EYS: variants seen among roughly 807,000 people sequenced by gnomAD.
EYS encodes protein eyes shut homolog.
Under a neutral mutation model 282.1 loss-of-function variants are expected in EYS, and 250 were observed. The observed-to-expected ratio is 0.89, with a 90% confidence interval of 0.80 to 0.98. The LOEUF is 0.98. Among genes scored for constraint, EYS ranks in the 50% least tolerant of loss-of-function variants. The pLI, the probability that EYS is intolerant of heterozygous loss-of-function variation, is 0.00. For missense variants in EYS, 4,016 were observed against 3,709.0 expected (o/e 1.08, Z -2.15); for synonymous variants, 1,355 against 1,282.9 (o/e 1.06, Z -1.20).
chr6:63,948,314 G>A (rs1263668364), intron 35 of EYS, among the ~76,000 whole-genome samples: 3 of 152,098 alleles, frequency 2.0e-5, no homozygotes, highest in Non-Finnish European at 2.9e-5. Context: ...AATCTCAATT[G>A]CTTTCTCATA....
chr6:63,720,796 G>C lies in EYS; in HGVS notation c.9235C>G (p.Leu3079Val), dbSNP rs760931603. The C allele has an allele frequency of 1.4e-5, 21 of 1,550,800 alleles. No homozygotes were observed. Among genetic ancestry groups the C allele is most frequent in the South Asian group, 2.4e-5 (2 of 84,032 alleles). ...AGATAACAAATGCCATCATAGTTTA[G>C]AGCCACAAAGTTTTTATGTGGATCA... ...DIDPHKNFVA[L>V]NYDGICYLGG... The change falls in exon 43 of 43, where the codon CTA (leucine) becomes GTA (valine). Residue 3079 changes from leucine to valine, a missense_variant. Transcript: ENST00000503581.
chr6:64,185,908 T>TA (rs1764923854), intron 31 of EYS, among the ~76,000 whole-genome samples: 1 of 152,134 alleles, frequency 6.6e-6, no homozygotes, highest in African/African-American at 2.4e-5. Flanking sequence ...GTTTTAGATG[T>TA]AAAAGTTAAA....
At chr6:65,247,030 T>TA (rs1320233216) in intron 12 of EYS, among the ~76,000 whole-genome samples, 2 of 152,186 alleles carry the variant, frequency 1.3e-5, no homozygotes, top group African/African-American at 4.8e-5. Context: ...GGTGATAAAG[T>TA]AAAAAATAAA....
At chr6:65,175,120 G>A (rs1033860262) in intron 12 of EYS, among the ~76,000 whole-genome samples, 6 of 151,008 alleles carry the variant, frequency 4.0e-5, no homozygotes, top group African/African-American at 1.2e-4. Flanking sequence ...ATCTGAAAAG[G>A]GTAATACAGT....
At chr6:64,516,559 T>A (rs1223948935) in intron 26 of EYS, among the ~76,000 whole-genome samples, 9 of 151,826 alleles carry the variant, frequency 5.9e-5, no homozygotes, top group Non-Finnish European at 1.3e-4. Flanking sequence ...ATGAATCATC[T>A]TAAAATTACA....
chr6:65,074,043 A>G (rs1326622181), intron 12 of EYS, among the ~76,000 whole-genome samples: 1 of 152,034 alleles, frequency 6.6e-6, no homozygotes, highest in Non-Finnish European at 1.5e-5. Flanking sequence ...GGTGGTAGTT[A>G]TAAGAGTGCA....
intron 11 of EYS, among the ~76,000 whole-genome samples, chr6:65,309,760 T>C (rs1486872502): frequency 1.3e-5 from 2 of 152,190 alleles, no homozygotes; most frequent in Admixed American, 6.5e-5. Flanking sequence ...TCTATGGTTA[T>C]CCTTTATGTA....
intron 12 of EYS, among the ~76,000 whole-genome samples, chr6:65,093,809 A>G (rs1339434462): frequency 1.3e-5 from 2 of 151,816 alleles, no homozygotes; most frequent in Non-Finnish European, 3.0e-5. Context: ...AATGAATTAA[A>G]CTTCACAATT....
At chr6:63,864,966 G>A (rs750844424) in intron 35 of EYS, among the ~76,000 whole-genome samples, 11 of 152,326 alleles carry the variant, frequency 7.2e-5, no homozygotes, top group Non-Finnish European at 1.0e-4. Context: ...TCTCAAGAGG[G>A]AGAAGTGACT....
chr6:63,812,484 G>C (rs1463523610), intron 36 of EYS, among the ~76,000 whole-genome samples: 1 of 151,908 alleles, frequency 6.6e-6, no homozygotes, highest in Non-Finnish European at 1.5e-5. Flanking sequence ...TATTTACATG[G>C]CCCAATTCCA....
Position 63,877,929 on chromosome 6 carries a change from C to A in EYS, c.7056-13571G>T, listed in dbSNP as rs182956468. Among the ~76,000 whole-genome samples, 1,158 of 152,282 alleles carry A rather than the reference C, an allele frequency of 7.6e-3. 19 individuals are homozygous for A. Among genetic ancestry groups the A allele is most frequent in the African/African-American group, 0.026 (1,086 of 41,554 alleles). ...TGGGTTCGAACATCCTCCTTTAGCT[C>A]AGAGAAGTTTGTTATTACCGATCAT... On this transcript the variant is annotated intron_variant, in intron 35 of 42. Transcript: ENST00000503581.
intron 5 of EYS, among the ~76,000 whole-genome samples, chr6:65,423,210 T>A (rs1767531940): frequency 6.6e-6 from 1 of 151,628 alleles, no homozygotes; most frequent in South Asian, 2.1e-4. Flanking sequence ...GGGGGAGGAG[T>A]AAATATCTGA....
chr6:64,855,726 G>A (rs545672534), intron 19 of EYS, among the ~76,000 whole-genome samples: 1 of 152,160 alleles, frequency 6.6e-6, no homozygotes, highest in African/African-American at 2.4e-5. Flanking sequence ...CACCATTCTA[G>A]TATCATAGAA....
chr6:64,451,507 T>C (rs1261523544), intron 26 of EYS, among the ~76,000 whole-genome samples: 3 of 152,182 alleles, frequency 2.0e-5, no homozygotes, highest in Non-Finnish European at 4.4e-5. Flanking sequence ...TAACTCATTT[T>C]ATGAGGCCAG....
At chr6:65,085,324 A>AT (rs1305637770) in intron 12 of EYS, among the ~76,000 whole-genome samples, 1 of 152,074 alleles carries the variant, frequency 6.6e-6, no homozygotes, top group Non-Finnish European at 1.5e-5. Flanking sequence ...AAGGATCTCT[A>AT]TTTCTCAGTG....
chr6:63,828,922 T>G (rs1771548171), intron 36 of EYS, among the ~76,000 whole-genome samples: 1 of 152,176 alleles, frequency 6.6e-6, no homozygotes, highest in Admixed American at 6.5e-5. Context: ...TGTGTGGAGA[T>G]TCCTTAAAGA....
At chr6:65,628,412 C>G (rs1352096937) in intron 2 of EYS, among the ~76,000 whole-genome samples, 1 of 152,152 alleles carries the variant, frequency 6.6e-6, no homozygotes, top group Non-Finnish European at 1.5e-5. Flanking sequence ...GTGGGTGGGG[C>G]CAGATAAGAG....
intron 11 of EYS, among the ~76,000 whole-genome samples, chr6:65,301,796 C>T (rs9453247): frequency 2.3e-4 from 35 of 152,272 alleles, no homozygotes; most frequent in Non-Finnish European, 4.3e-4. Context: ...ATAATTGGTG[C>T]GGATTCCTGT....
chr6:65,695,792 G>A (rs1769430642), intron 1 of EYS, among the ~76,000 whole-genome samples: 1 of 151,850 alleles, frequency 6.6e-6, no homozygotes, highest in Non-Finnish European at 1.5e-5. Context: ...TTATAGTCAA[G>A]TATGAAGCTA....
Sources: gnomAD v4.1 joint callset for allele counts (sites outside exome capture counted in the v4.1 genomes callset) on GRCh38, gnomAD v4.1.1 for gene constraint, MANE v1.5 for transcripts, NCBI Gene and HGNC (gene_info 2026-07-23, HGNC 2026-07-21) for gene names.